CNTN5: variants seen among roughly 807,000 people sequenced by gnomAD.
CNTN5 encodes the protein contactin 5, also known as contactin-5.
Under a neutral mutation model 129.1 loss-of-function variants are expected in CNTN5, and 77 were observed. That is an observed-to-expected ratio of 0.60 (90% CI 0.50 to 0.72). The LOEUF (loss-of-function observed/expected upper bound fraction) is 0.72, where lower values mean the gene tolerates loss of function less well. Ranked by LOEUF, CNTN5 falls within the 30% of genes least tolerant of loss-of-function variation. The pLI is 0.00. For synonymous variants in CNTN5, 509 were observed against 465.6 expected, an observed-to-expected ratio of 1.09 and a Z score of -1.20; for missense variants, 1,478 against 1,328.8, an observed-to-expected ratio of 1.11 and a Z score of -1.75.
intron 8 of CNTN5, among the ~76,000 whole-genome samples, chr11:99,999,547 A>G: frequency 6.6e-6 from 1 of 152,232 alleles, no homozygotes. Context: ...GAACACTTTT[A>G]CACTCTTAGT....
rs548597070 is a variant in CNTN5 at position 99,103,437 on chromosome 11, T to C, written c.-210+82167T>C. ...TTTTTCTTCAGGTCAAATATCTTTA[T>C]TATTTTCATCCTTTAAAATGTTTCT... On this transcript the variant is annotated intron_variant, in intron 1 of 24. Coordinates refer to ENST00000524871, the MANE Select transcript of CNTN5 (RefSeq NM_014361.4). 1.8e-4 allele frequency among the ~76,000 whole-genome samples: 27 copies of C among 152,358 alleles called. 1 individual carries two copies. The highest frequency in any genetic ancestry group is 5.8e-4 in the African/African-American group (24 of 41,592).
chr11:100,205,872 C>G lies in CNTN5; in HGVS notation c.1884+12209C>G, dbSNP rs372180186. Among the ~76,000 whole-genome samples the G allele has an allele frequency of 2.0e-5, 3 of 152,140 alleles. No individual in the cohort carries two copies. The East Asian group carries it at 5.8e-4, about 29-fold the overall frequency. The stretch of plus-strand genomic sequence containing the variant: ...GCTATGCTGTCCTGAAACCAGTCTT[C>G]CATGGATACAGAAGGCAACTATACA... On this transcript the variant is annotated intron_variant, in intron 15 of 24. Coordinates refer to ENST00000524871, the MANE Select transcript of CNTN5 (RefSeq NM_014361.4).
At chr11:99,669,574 A>T (rs1952951471) in intron 3 of CNTN5, among the ~76,000 whole-genome samples, 1 of 152,100 alleles carries the variant, frequency 6.6e-6, no homozygotes, top group African/African-American at 2.4e-5. Context: ...GAAAGTGAGT[A>T]AAAGTGTTAG....
chr11:99,910,202 T>C (rs1359709597), intron 6 of CNTN5, among the ~76,000 whole-genome samples: 2 of 152,062 alleles, frequency 1.3e-5, no homozygotes, highest in Non-Finnish European at 2.9e-5. Context: ...ATGGACATAA[T>C]AAGCCCTCCC....
chr11:99,340,631 TAG>T, intron 2 of CNTN5, among the ~76,000 whole-genome samples: 1 of 152,300 alleles, frequency 6.6e-6, no homozygotes, highest in East Asian at 1.9e-4. Flanking sequence ...TGCAATGGCG[TAG>T]AAGTTATGGT....
In CNTN5 at chr11:100,357,720, A is replaced by C. The variant is rs1242659111; in HGVS notation, c.*1500A>C. On this transcript the variant is annotated 3_prime_UTR_variant, in exon 25 of 25. Coordinates refer to ENST00000524871, the MANE Select transcript of CNTN5 (RefSeq NM_014361.4). ...TGTATTTGCTTCATTAATAACAAGC[A>C]AAATGAAACAATATGGAGCTCAAAT... 6.6e-6 allele frequency: 1 copy of C among 151,606 alleles called. No homozygotes were observed. The highest frequency in any genetic ancestry group is 6.6e-5 in the Admixed American group (1 of 15,182). The allele number at this position is 151,606 out of a possible 1,614,324, so 9.4% of individuals were successfully genotyped here. A position where few individuals can be genotyped will look rare whatever the true frequency, so the allele number is the denominator to read the frequency against.
At chr11:100,124,016 GTTC>G (rs1946106244) in intron 13 of CNTN5, among the ~76,000 whole-genome samples, 1 of 151,964 alleles carries the variant, frequency 6.6e-6, no homozygotes, top group African/African-American at 2.4e-5. Flanking sequence ...AAAAGTTCTT[GTTC>G]TTCTTTATAA....
At chr11:99,441,958 G>A (rs1174462105) in intron 2 of CNTN5, among the ~76,000 whole-genome samples, 1 of 152,102 alleles carries the variant, frequency 6.6e-6, no homozygotes, top group Non-Finnish European at 1.5e-5. Flanking sequence ...ATAAGAATGA[G>A]AAGTGAATTC....
intron 1 of CNTN5, among the ~76,000 whole-genome samples, chr11:99,206,968 G>T (rs190719231): frequency 9.0e-4 from 137 of 152,132 alleles, no homozygotes; most frequent in African/African-American, 3.3e-3. Context: ...CTATGAAATG[G>T]ATGTAGTAAT....
At chr11:100,345,858 C>G (rs1952267755) in intron 23 of CNTN5, among the ~76,000 whole-genome samples, 1 of 152,070 alleles carries the variant, frequency 6.6e-6, no homozygotes, top group Non-Finnish European at 1.5e-5. Flanking sequence ...TTTTCACTAA[C>G]AAGTAAGGAC....
intron 6 of CNTN5, among the ~76,000 whole-genome samples, chr11:99,846,941 T>C (rs986619085): frequency 1.3e-5 from 2 of 152,214 alleles, no homozygotes; most frequent in African/African-American, 4.8e-5. Context: ...GAAAATATTA[T>C]GTGGTGTATC....
At position 99,927,728 on chromosome 11, in the gene CNTN5, G is replaced by A. The variant is rs958639463; in HGVS notation, c.673+11579G>A. The stretch of plus-strand genomic sequence containing the variant: ...CCCACAACATGTGAGGATTATGGGA[G>A]CTTCAATTCAAAATGAGATTTGTAT... On this transcript the variant is annotated intron_variant, in intron 7 of 24. Coordinates refer to ENST00000524871, the MANE Select transcript of CNTN5 (RefSeq NM_014361.4). Among the ~76,000 whole-genome samples, 5 of 152,084 alleles carry A rather than the reference G, an allele frequency of 3.3e-5. No homozygotes were observed. The East Asian group carries it at 5.8e-4, about 18-fold the overall frequency.
At chr11:99,609,717 C>A (rs1007333426) in intron 3 of CNTN5, among the ~76,000 whole-genome samples, 1 of 152,054 alleles carries the variant, frequency 6.6e-6, no homozygotes, top group Non-Finnish European at 1.5e-5. Context: ...TCTCTCAGAG[C>A]CACTGTTGAG....
At chr11:99,362,094 C>T (rs1400345859) in intron 2 of CNTN5, among the ~76,000 whole-genome samples, 3 of 152,054 alleles carry the variant, frequency 2.0e-5, no homozygotes, top group Non-Finnish European at 4.4e-5. Flanking sequence ...CCACTATCAA[C>T]TCACAAGTGT....
intron 1 of CNTN5, among the ~76,000 whole-genome samples, chr11:99,212,969 A>G (rs999335913): frequency 1.3e-5 from 2 of 151,906 alleles, no homozygotes; most frequent in African/African-American, 4.8e-5. Context: ...AGGTGGGTGG[A>G]TCACGAAGTC....
chr11:100,111,005 C>A (rs200320882), intron 13 of CNTN5, among the ~76,000 whole-genome samples: 60 of 147,294 alleles, frequency 4.1e-4, no homozygotes, highest in Admixed American at 4.8e-4. Flanking sequence ...AGTGTTAATG[C>A]AAAAAAAAAA....
intron 13 of CNTN5, among the ~76,000 whole-genome samples, chr11:100,141,133 TGGG>T (rs765615489): frequency 3.9e-5 from 6 of 152,038 alleles, no homozygotes; most frequent in Non-Finnish European, 8.8e-5. Flanking sequence ...GGCACGTGGT[TGGG>T]GGGAGGCATG....
intron 1 of CNTN5, among the ~76,000 whole-genome samples, chr11:99,106,832 G>A (rs1188475185): frequency 6.6e-6 from 1 of 151,946 alleles, no homozygotes; most frequent in Non-Finnish European, 1.5e-5. Flanking sequence ...TTCCTCTAAA[G>A]AGCACTCCAC....
At chr11:99,054,694 C>T (rs933192533) in intron 1 of CNTN5, among the ~76,000 whole-genome samples, 3 of 151,678 alleles carry the variant, frequency 2.0e-5, no homozygotes, top group African/African-American at 7.3e-5. Flanking sequence ...AAAGTATAAG[C>T]TCAAATCCAA....
Sources: allele counts gnomAD v4.1 joint callset (sites outside exome capture counted in the v4.1 genomes callset), GRCh38; gene constraint gnomAD v4.1.1; transcripts MANE v1.5; gene names NCBI Gene and HGNC (gene_info 2026-07-23, HGNC 2026-07-21).